TMPRSS7: variants seen among roughly 807,000 people sequenced by gnomAD.
TMPRSS7 encodes transmembrane serine protease 7, also known as transmembrane protease serine 7.
TMPRSS7 carries 81 observed loss-of-function variants against 95.6 expected under a neutral mutation model. The ratio of observed to expected loss-of-function variants is 0.85; its 90% CI spans 0.71 to 1.02. TMPRSS7 has a LOEUF of 1.02. Ranked by LOEUF, TMPRSS7 falls within the 50% of genes least tolerant of loss-of-function variation. TMPRSS7 has a pLI of 0.00. For missense variants in TMPRSS7, 945 were observed against 955.2 expected (o/e 0.99, Z 0.14); for synonymous variants, 364 against 337.8 (o/e 1.08, Z -0.85).
intron 1 of TMPRSS7, among the ~76,000 whole-genome samples, chr3:112,035,588 G>GGGAGATTA (rs2073145449): frequency 6.6e-6 from 1 of 152,214 alleles, no homozygotes; most frequent in Non-Finnish European, 1.5e-5. Context: ...CTTAAGGACA[G>GGGAGATTA]TGCAAAAGAG....
chr3:112,047,901 AC>A lies in TMPRSS7; in HGVS notation c.894del (p.Cys299ValfsTer6), dbSNP rs144239192. ...AAGTCCATCCAAATCGAAGCCGACA[AC>A]TGTGTCACTGACTCCCTGACCATTT... On this transcript the variant is annotated frameshift_variant, in exon 7 of 18. Coordinates refer to ENST00000452346, the Ensembl canonical transcript of TMPRSS7. LOFTEE classifies it high-confidence loss of function. 2,245 of 1,614,084 alleles carry A rather than the reference AC, an allele frequency of 1.4e-3. 43 individuals carry two copies. The East Asian group carries it at 0.04, about 29-fold the overall frequency.
chr3:112,045,933 G>T (rs1354557004), exon 5 of TMPRSS7: 1 of 1,546,954 alleles, frequency 6.5e-7, no homozygotes, highest in Non-Finnish European at 8.7e-7. Context: ...TGGACTCTGT[G>T]GTACTAAATG....
chr3:112,057,414 A>G (rs2073446059), intron 10 of TMPRSS7, among the ~76,000 whole-genome samples: 3 of 152,214 alleles, frequency 2.0e-5, no homozygotes, highest in South Asian at 4.1e-4. Flanking sequence ...AGTTTTTCAA[A>G]TCCTGGATCC....
intron 9 of TMPRSS7, among the ~76,000 whole-genome samples, chr3:112,055,490 T>C (rs1012752190): frequency 8.7e-6 from 1 of 114,978 alleles, no homozygotes; most frequent in South Asian, 2.9e-4. Context: ...CAGCATAACA[T>C]ATAATACGAT....
chr3:112,043,905 C>T (rs4682349), intron 3 of TMPRSS7, among the ~76,000 whole-genome samples: 134,397 of 152,274 alleles, frequency 0.88, 60,541 homozygotes, highest in East Asian at 1. Context: ...TTGGGTCAGA[C>T]TACTGTACTA....
At chr3:112,037,797 A>G (rs949033949) in intron 1 of TMPRSS7, among the ~76,000 whole-genome samples, 2 of 152,176 alleles carry the variant, frequency 1.3e-5, no homozygotes, top group African/African-American at 2.4e-5. Context: ...ATAGAAAAGA[A>G]CCTACATTGA....
chr3:112,047,600 G>T (rs931987779), intron 6 of TMPRSS7, 139 bp from the exon 7 acceptor site: 3 of 675,440 alleles, frequency 4.4e-6, no homozygotes, highest in Non-Finnish European at 7.8e-6. Context: ...TTACCAGAAG[G>T]CAGGGAAGTG....
intron 13 of TMPRSS7, among the ~76,000 whole-genome samples, chr3:112,066,872 CA>C (rs1223212904): frequency 6.6e-6 from 1 of 151,776 alleles, no homozygotes; most frequent in Non-Finnish European, 1.5e-5. Flanking sequence ...GGTACATGTG[CA>C]CAACGTGCAG....
chr3:112,043,526 AG>A (rs2073238293), intron 3 of TMPRSS7, among the ~76,000 whole-genome samples: 1 of 152,162 alleles, frequency 6.6e-6, no homozygotes, highest in Admixed American at 6.5e-5. Flanking sequence ...TAAATTTCAC[AG>A]CTTATATTGT....
At chr3:112,049,223 G>T (rs899131839) in intron 7 of TMPRSS7, among the ~76,000 whole-genome samples, 1 of 152,134 alleles carries the variant, frequency 6.6e-6, no homozygotes, top group African/African-American at 2.4e-5. Flanking sequence ...ACCTCACAAG[G>T]AGTACTTAAA....
At chr3:112,061,651 A>T (rs2073506810) in intron 10 of TMPRSS7, 136 bp from the exon 11 acceptor site, 1 of 892,962 alleles carries the variant, frequency 1.1e-6, no homozygotes, top group Admixed American at 2.7e-5. Context: ...TAGAATGAAT[A>T]ACTACCATTA....
At chr3:112,066,546 T>G (rs1441433440) in intron 13 of TMPRSS7, 44 bp downstream of exon 13, 2 of 1,569,900 alleles carry the variant, frequency 1.3e-6, no homozygotes, top group Admixed American at 3.3e-5. Flanking sequence ...CCTATGAAAC[T>G]CTTCTAAATC....
chr3:112,041,258 C>T (rs1415187704), intron 2 of TMPRSS7, among the ~76,000 whole-genome samples: 1 of 152,114 alleles, frequency 6.6e-6, no homozygotes, highest in African/African-American at 2.4e-5. Context: ...CCCCGTGCTT[C>T]CTCCTCCCCT....
chr3:112,054,729 C>CTTTTTTTTTTTTTTTTTTTTTTTTTT lies in TMPRSS7; in HGVS notation c.1204-2292_1204-2267dup, dbSNP rs1161735611. On this transcript the variant is annotated intron_variant, in intron 9 of 17. Transcript: ENST00000452346. ...AACATATTTACTATCTCTCAGTTTG[C>CTTTTTTTTTTTTTTTTTTTTTTTTTT]TTTTTTTTTTTTTTTTTTTTTTTTT... Among the ~76,000 whole-genome samples, 19 of 49,026 alleles carry CTTTTTTTTTTTTTTTTTTTTTTTTTT rather than the reference C, an allele frequency of 3.9e-4. 7 individuals are homozygous for CTTTTTTTTTTTTTTTTTTTTTTTTTT. The highest frequency in any genetic ancestry group is 5.4e-4 in the African/African-American group (7 of 13,020). The allele number at this position is 49,026 out of a possible 152,430, so 32.2% of individuals were successfully genotyped here. A position where few individuals can be genotyped will look rare whatever the true frequency, so the allele number is the denominator to read the frequency against.
At position 112,072,636 on chromosome 3, in the gene TMPRSS7, C is replaced by A. The variant is rs560561218; in HGVS notation, c.1667-1660C>A. On this transcript the variant is annotated intron_variant, in intron 13 of 17. Transcript: ENST00000452346. ...TGCAGTGGGCTCCACCCAGTTTGAG[C>A]TTCCTGGCTGCTTTGTTTACCTACT... is the stretch of plus-strand genomic sequence containing the variant. 2.4e-4 allele frequency among the ~76,000 whole-genome samples: 37 copies of A among 152,386 alleles called. 1 individual carries two copies. Among genetic ancestry groups the A allele is most frequent in the East Asian group, 1.9e-4 (1 of 5,180 alleles).
intron 2 of TMPRSS7, among the ~76,000 whole-genome samples, chr3:112,039,019 T>G (rs571580961): frequency 6.6e-6 from 1 of 152,342 alleles, no homozygotes; most frequent in East Asian, 1.9e-4. Flanking sequence ...ACCCACCACC[T>G]GTTTCTAGGC....
exon 12 of TMPRSS7, chr3:112,063,528 G>T (rs779935089): frequency 1.2e-6 from 2 of 1,613,678 alleles, no homozygotes; most frequent in Non-Finnish European, 8.5e-7. Flanking sequence ...CCCATAGCCT[G>T]CCCTGTTGGA....
In TMPRSS7 at chr3:112,063,632, G is replaced by A. The variant is rs768185395; in HGVS notation, c.1555G>A (p.Val519Met). The A allele has an allele frequency of 3.2e-5, 52 of 1,612,774 alleles. No individual in the cohort carries two copies. The highest frequency in any genetic ancestry group is 6.7e-5 in the Admixed American group (4 of 59,962). ...TGATGAAAGTGATGAACTGTTTTGC[G>A]GTGGGTATTCAAGATTTTAATATGA... The change falls in exon 12 of 18, where the codon GTG becomes ATG. Residue 519 changes from valine (V) to methionine (M), a missense_variant and splice_region_variant. Physicochemically the swap from Val to Met is conservative, Grantham distance 21. Coordinates refer to ENST00000452346, the Ensembl canonical transcript of TMPRSS7.
chr3:112,060,359 C>A lies in TMPRSS7; in HGVS notation c.1311-1428C>A, dbSNP rs561531322. Among the ~76,000 whole-genome samples, 31 of 151,976 alleles carry A rather than the reference C, an allele frequency of 2.0e-4. 1 individual carries two copies. Among genetic ancestry groups the A allele is most frequent in the Non-Finnish European group, 8.8e-5 (6 of 67,972 alleles). ...CCGGTCTGACCAAAAATTTATTAGG[C>A]GGGAATTTCCTCGTCCTAATAAGCC... On this transcript the variant is annotated intron_variant, in intron 10 of 17. Transcript: ENST00000452346.
Sources: gnomAD v4.1 joint callset for allele counts (sites outside exome capture counted in the v4.1 genomes callset) on GRCh38, gnomAD v4.1.1 for gene constraint, MANE v1.5 for transcripts, NCBI Gene and HGNC (gene_info 2026-07-23, HGNC 2026-07-21) for gene names.